Variants in PTPRM observed in about 807,000 individuals in gnomAD.
PTPRM encodes receptor-type tyrosine-protein phosphatase mu.
In PTPRM, 47 loss-of-function variants were observed where a neutral mutation model predicts 186.7. The observed-to-expected ratio is 0.25, with a 90% CI of 0.20 to 0.32. The LOEUF is 0.32. Ranked by LOEUF, PTPRM falls within the 10% of genes least tolerant of loss-of-function variation. PTPRM has a pLI of 1.00. For missense variants in PTPRM, 1,494 were observed against 1,865.0 expected, an observed-to-expected ratio of 0.80 and a Z score of 3.66; for synonymous variants, 668 against 674.9, an observed-to-expected ratio of 0.99 and a Z score of 0.16.
At chr18:8,022,574 C>T (rs994318247) in intron 7 of PTPRM, among the ~76,000 whole-genome samples, 26 of 152,136 alleles carry the variant, frequency 1.7e-4, no homozygotes, top group African/African-American at 5.3e-4. Context: ...GAAACCATAA[C>T]AGGTCTCCAC....
At chr18:7,971,413 GT>G (rs1353726992) in intron 7 of PTPRM, among the ~76,000 whole-genome samples, 10 of 45,952 alleles carry the variant, frequency 2.2e-4, no homozygotes, top group African/African-American at 1.3e-3. Context: ...AGGACTTCAT[GT>G]CCAAAACACC....
At chr18:7,905,184 G>A (rs1453698010) in intron 3 of PTPRM, among the ~76,000 whole-genome samples, 1 of 152,060 alleles carries the variant, frequency 6.6e-6, no homozygotes, top group East Asian at 1.9e-4. Flanking sequence ...AGTAGAGTTG[G>A]GGTTTCACCA....
chr18:8,003,524 G>A (rs796084006), intron 7 of PTPRM, among the ~76,000 whole-genome samples: 1 of 152,188 alleles, frequency 6.6e-6, no homozygotes, highest in African/African-American at 2.4e-5. Flanking sequence ...CTCAGCCAGG[G>A]CATCTGATGA....
At chr18:8,198,020 C>T (rs143545680) in intron 14 of PTPRM, among the ~76,000 whole-genome samples, 154 of 152,288 alleles carry the variant, frequency 1.0e-3, no homozygotes, top group Non-Finnish European at 1.7e-3. Flanking sequence ...CTCTCTCCCA[C>T]CTTCTTCTGT....
chr18:7,855,377 C>T (rs893435116), intron 2 of PTPRM, among the ~76,000 whole-genome samples: 13 of 152,224 alleles, frequency 8.5e-5, no homozygotes, highest in African/African-American at 2.7e-4. Context: ...CCCATCTCCA[C>T]TTAGCACTCC....
At chr18:7,659,572 A>G (rs771640068) in intron 1 of PTPRM, among the ~76,000 whole-genome samples, 76 of 152,184 alleles carry the variant, frequency 5.0e-4, no homozygotes, top group Non-Finnish European at 4.6e-4. Context: ...TCCAGCACCT[A>G]CTACAGTGCT....
intron 7 of PTPRM, among the ~76,000 whole-genome samples, chr18:8,026,848 A>G (rs2085602357): frequency 6.6e-6 from 1 of 151,740 alleles, no homozygotes; most frequent in Non-Finnish European, 1.5e-5. Flanking sequence ...ACAGAGTGAA[A>G]CTCCATCTCA....
chr18:7,973,721 G>C (rs1409348741), intron 7 of PTPRM, among the ~76,000 whole-genome samples: 1 of 151,848 alleles, frequency 6.6e-6, no homozygotes, highest in Non-Finnish European at 1.5e-5. Context: ...ATATCTTTTA[G>C]GGCTACCCAT....
intron 1 of PTPRM, among the ~76,000 whole-genome samples, chr18:7,571,110 TTTTGTATTTTTAGTA>T (rs111666825): frequency 1.4e-3 from 210 of 152,070 alleles, no homozygotes; most frequent in African/African-American, 4.6e-3. Context: ...GCCAGCTAAT[TTTTGTATTTTTAGTA>T]GAGACGGGTT....
At chr18:8,289,573 T>TGC (rs2095014413) in intron 19 of PTPRM, among the ~76,000 whole-genome samples, 1 of 110,144 alleles carries the variant, frequency 9.1e-6, no homozygotes, top group African/African-American at 4.6e-5. Flanking sequence ...CATATATATA[T>TGC]ATACATATAT....
intron 7 of PTPRM, among the ~76,000 whole-genome samples, chr18:7,992,730 A>T (rs1270822336): frequency 1.3e-5 from 2 of 152,174 alleles, no homozygotes; most frequent in Non-Finnish European, 2.9e-5. Context: ...AGGCTAATTA[A>T]TATAAATGAG....
chr18:8,008,498 G>A (rs924461081), intron 7 of PTPRM, among the ~76,000 whole-genome samples: 2 of 152,182 alleles, frequency 1.3e-5, no homozygotes, highest in East Asian at 1.9e-4. Context: ...AGAAAAAAGC[G>A]TTCCCCATCC....
intron 19 of PTPRM, 143 bp from the exon 20 acceptor site, chr18:8,296,225 A>G (rs1460943604): frequency 3.6e-5 from 21 of 587,568 alleles, no homozygotes; most frequent in Non-Finnish European, 5.8e-5. Flanking sequence ...ATATAAATGT[A>G]GTGTAATAAT....
In PTPRM at chr18:7,682,562, G is replaced by T. The variant is rs147608932; in HGVS notation, c.74-91587G>T. On this transcript the variant is annotated intron_variant, in intron 1 of 32. Coordinates refer to ENST00000580170, the MANE Select transcript of PTPRM (RefSeq NM_001105244.2). ...GATTGGTATGGTGTCTACTTAGTCT[G>T]CATTTGATAGGAGAAAGTATTTAAA... 6.8e-4 allele frequency among the ~76,000 whole-genome samples: 104 copies of T among 152,282 alleles called. No individual in the cohort carries two copies. The East Asian group carries it at 0.018, about 26-fold the overall frequency.
intron 31 of PTPRM, among the ~76,000 whole-genome samples, chr18:8,388,194 A>G (rs1311162842): frequency 6.6e-6 from 1 of 152,236 alleles, no homozygotes; most frequent in Non-Finnish European, 1.5e-5. Context: ...AGGCAATTAG[A>G]AAGTCACGGC....
At chr18:8,184,908 G>A (rs1357949129) in intron 14 of PTPRM, among the ~76,000 whole-genome samples, 1 of 152,092 alleles carries the variant, frequency 6.6e-6, no homozygotes, top group Non-Finnish European at 1.5e-5. Flanking sequence ...CAGTTGCCCA[G>A]GTAAGACACC....
rs538521893 is a variant in PTPRM, at chr18:8,195,022, A to G, written c.2301-49036A>G. 6.6e-5 allele frequency among the ~76,000 whole-genome samples: 10 copies of G among 152,300 alleles called. No homozygotes were observed. In the East Asian group the frequency reaches 1.9e-3, roughly 29 times the overall value. ...CCAAGGCAGGACTCTACATGCAAAC[A>G]GCATCCACCCTGAGGACAACATTCT... On this transcript the variant is annotated intron_variant, in intron 14 of 32. Transcript: ENST00000580170.
intron 22 of PTPRM, among the ~76,000 whole-genome samples, chr18:8,340,146 C>T (rs994195602): frequency 1.3e-5 from 2 of 152,190 alleles, no homozygotes; most frequent in Non-Finnish European, 2.9e-5. Context: ...AAGGAACGGC[C>T]GCCAAGTGTT....
At chr18:7,755,799 C>T (rs1040390873) in intron 1 of PTPRM, among the ~76,000 whole-genome samples, 12 of 152,156 alleles carry the variant, frequency 7.9e-5, no homozygotes, top group African/African-American at 2.7e-4. Flanking sequence ...ACCTGCTGCT[C>T]GCTGTGCGGG....
Sources: allele counts gnomAD v4.1 joint callset (sites outside exome capture counted in the v4.1 genomes callset), GRCh38; gene constraint gnomAD v4.1.1; transcripts MANE v1.5; gene names NCBI Gene and HGNC (gene_info 2026-07-23, HGNC 2026-07-21).